The following USP3 variants were observed in gnomAD, a reference collection of about 807,000 sequenced individuals.
The protein encoded by USP3 is ubiquitin carboxyl-terminal hydrolase 3.
In USP3, 20 loss-of-function variants were observed where a neutral mutation model predicts 72.3. The ratio of observed to expected loss-of-function variants is 0.28; its 90% CI spans 0.19 to 0.40. USP3 has a LOEUF of 0.40. Ranked by LOEUF, USP3 falls within the 10% of genes least tolerant of loss-of-function variation. The pLI, the probability that USP3 is intolerant of heterozygous loss-of-function variation, is 1.00. For synonymous variants in USP3, 222 were observed against 225.3 expected, an observed-to-expected ratio of 0.99 and a Z score of 0.13; for missense variants, 479 against 633.9, an observed-to-expected ratio of 0.76 and a Z score of 2.62.
intron 9 of USP3, among the ~76,000 whole-genome samples, chr15:63,572,041 T>C (rs1006452984): frequency 1.1e-4 from 17 of 152,362 alleles, no homozygotes; most frequent in East Asian, 5.8e-4. Flanking sequence ...AGATGTGATC[T>C]TTATAGCACA....
intron 1 of USP3, among the ~76,000 whole-genome samples, chr15:63,506,800 T>C (rs539299405): frequency 5.3e-5 from 8 of 152,254 alleles, no homozygotes; most frequent in East Asian, 1.9e-4. Context: ...GTCTGACATA[T>C]AGCTTTGCAA....
At position 63,588,740 on chromosome 15, in the gene USP3, A is replaced by G; in HGVS notation, c.1254A>G (p.Ala418=). The G allele has an allele frequency of 1.9e-6, 3 of 1,614,214 alleles. No individual in the cohort carries two copies. The highest frequency in any genetic ancestry group is 2.5e-6 in the Non-Finnish European group (3 of 1,180,004). ...ATTTGAAAAGATTTCATTGGACAGC[A>G]TATTTAAGAAATAAAGTTGATACAT... The part of the protein sequence containing the change: ...CLHLKRFHWT[A]YLRNKVDTYV... Residue 418 remains alanine (A), a synonymous_variant, in exon 13 of 15, where the codon GCA becomes GCG. Transcript: ENST00000380324. This position sits in a 1 kb window ranked among gnomAD's most constrained non-coding sequence, Gnocchi z 4.6.
At chr15:63,520,164 T>C in intron 1 of USP3, among the ~76,000 whole-genome samples, 1 of 152,188 alleles carries the variant, frequency 6.6e-6, no homozygotes, top group East Asian at 1.9e-4. Flanking sequence ...TACATCTGTT[T>C]ATGTCTGTGT....
intron 1 of USP3, among the ~76,000 whole-genome samples, chr15:63,506,699 C>G (rs1595696918): frequency 6.6e-6 from 1 of 152,132 alleles, no homozygotes; most frequent in African/African-American, 2.4e-5. Context: ...TGGAGCATAA[C>G]GAGATGTGCT....
chr15:63,520,149 A>T (rs2065900768), intron 1 of USP3, among the ~76,000 whole-genome samples: 1 of 152,182 alleles, frequency 6.6e-6, no homozygotes, highest in South Asian at 2.1e-4. Flanking sequence ...ATAAATAAGC[A>T]TATCTACATC....
chr15:63,578,448 C>T (rs867590243), intron 11 of USP3, among the ~76,000 whole-genome samples: 5 of 131,664 alleles, frequency 3.8e-5, no homozygotes, highest in Non-Finnish European at 8.3e-5. Flanking sequence ...ACTAAAAATA[C>T]AAAAAAAAAA....
At chr15:63,561,568 CT>C (rs969013654) in intron 7 of USP3, among the ~76,000 whole-genome samples, 2 of 152,206 alleles carry the variant, frequency 1.3e-5, no homozygotes, top group South Asian at 2.1e-4. Flanking sequence ...TTTGCCCCCC[CT>C]GCTACCAGAG....
intron 11 of USP3, among the ~76,000 whole-genome samples, chr15:63,578,404 A>G (rs1595767530): frequency 6.6e-6 from 1 of 151,656 alleles, no homozygotes; most frequent in African/African-American, 2.4e-5. Flanking sequence ...GGAGATAGAG[A>G]CCATCCTGGC....
intron 1 of USP3, among the ~76,000 whole-genome samples, chr15:63,511,586 T>C (rs921344230): frequency 1.1e-4 from 16 of 152,320 alleles, no homozygotes; most frequent in Admixed American, 5.2e-4. Flanking sequence ...GAAATTCATA[T>C]TGCATTAGTT....
intron 8 of USP3, among the ~76,000 whole-genome samples, chr15:63,567,035 A>G (rs1336711068): frequency 6.6e-6 from 1 of 152,220 alleles, no homozygotes; most frequent in Non-Finnish European, 1.5e-5. Context: ...ATATACTGGC[A>G]CTGCCAAGAC....
chr15:63,541,794 A>G (rs1195114437), intron 3 of USP3, among the ~76,000 whole-genome samples: 1 of 152,144 alleles, frequency 6.6e-6, no homozygotes, highest in Admixed American at 6.5e-5. Context: ...TTATAATAAA[A>G]CCAGATGTCA....
chr15:63,547,755 A>C lies in USP3; in HGVS notation c.285-5960A>C, dbSNP rs1276430887. Among the ~76,000 whole-genome samples the C allele has an allele frequency of 1.3e-4, 4 of 31,062 alleles. 1 individual carries two copies. The highest frequency in any genetic ancestry group is 4.9e-4 in the African/African-American group (4 of 8,144). 20.4% of individuals were successfully genotyped at this position (31,062 alleles called of 152,430 possible). ...GAGAGAGAGAGAGAGGGAGGGAGGG[A>C]GGGAGGGAGAGAGAGAGAGAGAGAG... On this transcript the variant is annotated intron_variant, in intron 3 of 14. Coordinates refer to ENST00000380324, the MANE Select transcript of USP3 (RefSeq NM_006537.4).
At chr15:63,557,140 G>A (rs1037493143) in intron 5 of USP3, among the ~76,000 whole-genome samples, 7 of 152,298 alleles carry the variant, frequency 4.6e-5, no homozygotes, top group South Asian at 2.1e-4. Flanking sequence ...GCGCAGTCTC[G>A]GCTCACTGGA....
chr15:63,529,109 C>T lies in USP3; in HGVS notation c.92-3538C>T. The T allele has an allele frequency of 8.2e-7, 1 of 1,218,144 alleles. No homozygotes were observed. The highest frequency in any genetic ancestry group is 1.1e-6 in the Non-Finnish European group (1 of 924,084). The allele number at this position is 1,218,144 out of a possible 1,614,324, so 75.5% of individuals were successfully genotyped here. On this transcript the variant is annotated intron_variant, in intron 1 of 14. Coordinates refer to ENST00000380324, the MANE Select transcript of USP3 (RefSeq NM_006537.4). The surrounding 1 kb of genome is among the most constrained non-coding windows in gnomAD (Gnocchi z 4.2). Reference sequence around the variant, plus strand: ...CGAACTCTAGGCTCAAGTGATTCTTCTGCCTCAGCCTCCCAAGTAGCTGGG... The same window carrying T: ...CGAACTCTAGGCTCAAGTGATTCTTTTGCCTCAGCCTCCCAAGTAGCTGGG...
intron 1 of USP3, among the ~76,000 whole-genome samples, chr15:63,526,254 CA>C (rs1308354833): frequency 2.6e-5 from 4 of 152,002 alleles, no homozygotes; most frequent in South Asian, 2.1e-4. Context: ...CTTTTTAAAA[CA>C]AAAGTTTTAG....
chr15:63,515,011 T>G (rs1313152937), intron 1 of USP3, among the ~76,000 whole-genome samples: 2 of 152,240 alleles, frequency 1.3e-5, no homozygotes, highest in Non-Finnish European at 2.9e-5. Flanking sequence ...AAGTTATTTT[T>G]GAAACAATTT....
At chr15:63,547,818 G>T (rs2066366169) in intron 3 of USP3, among the ~76,000 whole-genome samples, 1 of 105,976 alleles carries the variant, frequency 9.4e-6, no homozygotes, top group African/African-American at 3.7e-5. Flanking sequence ...GAGAGGCATA[G>T]AGAGAGAGAG....
At chr15:63,582,932 ATTCT>A (rs970827352) in intron 11 of USP3, among the ~76,000 whole-genome samples, 1 of 152,160 alleles carries the variant, frequency 6.6e-6, no homozygotes, top group African/African-American at 2.4e-5. Flanking sequence ...ATGTTGATAG[ATTCT>A]TTCAGTAATC....
At chr15:63,563,756 C>T (rs976212328) in intron 8 of USP3, among the ~76,000 whole-genome samples, 2 of 152,162 alleles carry the variant, frequency 1.3e-5, no homozygotes, top group Non-Finnish European at 2.9e-5. Flanking sequence ...ATATACATCC[C>T]TTCTACTTTT....
Sources: gnomAD v4.1 joint callset for allele counts (sites outside exome capture counted in the v4.1 genomes callset) on GRCh38, gnomAD v4.1.1 for gene constraint, Gnocchi (gnomAD v3.1) non-coding constraint, MANE v1.5 for transcripts, NCBI Gene and HGNC (gene_info 2026-07-23, HGNC 2026-07-21) for gene names.